WAPL: variants seen among roughly 807,000 people sequenced by gnomAD.
WAPL encodes WAPL cohesin release factor, also known as wings apart-like protein homolog.
Under a neutral mutation model 121.0 loss-of-function variants are expected in WAPL, and 5 were observed. The ratio of observed to expected loss-of-function variants is 0.04; its 90% CI spans 0.02 to 0.09. WAPL has a LOEUF of 0.09. Ranked by LOEUF, WAPL falls within the 10% of genes least tolerant of loss-of-function variation. WAPL has a pLI of 1.00. For missense variants in WAPL, 999 were observed against 1,410.8 expected (o/e 0.71, Z 4.68); for synonymous variants, 480 against 481.5 (o/e 1.00, Z 0.04).
intron 2 of WAPL, among the ~76,000 whole-genome samples, chr10:86,503,998 T>C (rs996161677): frequency 2.0e-5 from 3 of 151,622 alleles, no homozygotes; most frequent in Non-Finnish European, 4.4e-5. Flanking sequence ...GGTGAAACCC[T>C]GTCTCCACTA....
rs1369671639 is a variant in WAPL, at chr10:86,441,646, GCTGTAGT to G, written c.3411+1622_3411+1628del. Among the ~76,000 whole-genome samples, 5 of 151,940 alleles carry G rather than the reference GCTGTAGT, an allele frequency of 3.3e-5. No homozygotes were observed. The South Asian group carries it at 1.0e-3, about 32-fold the overall frequency. On this transcript the variant is annotated intron_variant, in intron 17 of 18. Coordinates refer to ENST00000298767, the MANE Select transcript of WAPL (RefSeq NM_015045.5). Reference sequence around the variant, plus strand: ...ACTACTTAATTTGATGAGACACCTAGCTGTAGTCAGCACGGGACCATAAGGGCTAGCA... The same window carrying G: ...ACTACTTAATTTGATGAGACACCTAGCAGCACGGGACCATAAGGGCTAGCA...
At chr10:86,470,493 T>A (rs1351312395) in intron 8 of WAPL, among the ~76,000 whole-genome samples, 2 of 152,202 alleles carry the variant, frequency 1.3e-5, no homozygotes, top group Admixed American at 6.5e-5. Context: ...ACCTAATAAC[T>A]TTTGTTATGT....
chr10:86,508,005 T>C (rs1031140504), intron 2 of WAPL, among the ~76,000 whole-genome samples: 19 of 152,136 alleles, frequency 1.2e-4, no homozygotes, highest in African/African-American at 4.6e-4. Flanking sequence ...TTATCCAATA[T>C]TCTGTATTCT....
intron 12 of WAPL, among the ~76,000 whole-genome samples, chr10:86,454,048 T>C (rs1174993718): frequency 6.6e-6 from 1 of 152,236 alleles, no homozygotes; most frequent in African/African-American, 2.4e-5. Flanking sequence ...AATCTCTTTA[T>C]TTCCAAATTG....
chr10:86,508,758 CTT>C (rs34530024), intron 2 of WAPL, among the ~76,000 whole-genome samples: 9 of 116,758 alleles, frequency 7.7e-5, no homozygotes, highest in Admixed American at 3.1e-4. Flanking sequence ...ATTGAAAGTT[CTT>C]TTTTTTTTTT....
intron 9 of WAPL, among the ~76,000 whole-genome samples, chr10:86,465,592 T>C (rs1392758960): frequency 6.6e-6 from 1 of 152,218 alleles, no homozygotes; most frequent in Non-Finnish European, 1.5e-5. Flanking sequence ...GTACTTACTG[T>C]ATATCCTGCC....
rs10668599 is a variant in WAPL at position 86,457,327 on chromosome 10, T to TAAAAAAAAAA, written c.2657+1652_2657+1661dup. ...CAACATAGCAAGACCCTGTATCTAT[T>TAAAAAAAAAA]AAAAAAAAAAAAAAAAAAGAGAGTG... On this transcript the variant is annotated intron_variant, in intron 12 of 18. Transcript: ENST00000298767. Among the ~76,000 whole-genome samples, 14 of 111,190 alleles carry TAAAAAAAAAA rather than the reference T, an allele frequency of 1.3e-4. 1 individual carries two copies. The highest frequency in any genetic ancestry group is 5.4e-4 in the African/African-American group (14 of 26,168). The allele number at this position is 111,190 out of a possible 152,430, so 72.9% of individuals were successfully genotyped here.
At chr10:86,464,984 G>C (rs371304828) in intron 9 of WAPL, among the ~76,000 whole-genome samples, 15 of 152,282 alleles carry the variant, frequency 9.9e-5, no homozygotes, top group African/African-American at 3.4e-4. Flanking sequence ...TGTCAGTTTT[G>C]TATCTTGCTG....
rs970868894 is a variant in WAPL at position 86,472,109 on chromosome 10, A to G, written c.2030+99T>C. On this transcript the variant is annotated intron_variant, in intron 7 of 18. Coordinates refer to ENST00000298767, the MANE Select transcript of WAPL (RefSeq NM_015045.5). The surrounding 1 kb of genome is among the most constrained non-coding windows in gnomAD (Gnocchi z 4.2). ...CACTGGCTATACATACTACCCCATC[A>G]TAACAAAATAAAAAATGTTTGGCTT... 3.4e-5 allele frequency: 41 copies of G among 1,200,476 alleles called. No homozygotes were observed. The highest frequency in any genetic ancestry group is 4.4e-5 in the Non-Finnish European group (39 of 876,692). 74.4% of individuals were successfully genotyped at this position (1,200,476 alleles called of 1,614,324 possible).
chr10:86,439,489 C>A (rs1264903420), intron 17 of WAPL, among the ~76,000 whole-genome samples: 1 of 152,182 alleles, frequency 6.6e-6, no homozygotes, highest in African/African-American at 2.4e-5. Context: ...TATCAACACA[C>A]TACAGAACAT....
intron 4 of WAPL, among the ~76,000 whole-genome samples, chr10:86,479,735 A>G (rs1841738716): frequency 1.3e-5 from 2 of 152,236 alleles, no homozygotes; most frequent in Non-Finnish European, 2.9e-5. Context: ...GTACAACTAA[A>G]TGAACTCTGA....
chr10:86,450,650 G>A (rs1038211638), intron 15 of WAPL, among the ~76,000 whole-genome samples: 1 of 152,150 alleles, frequency 6.6e-6, no homozygotes, highest in Non-Finnish European at 1.5e-5. Flanking sequence ...GGTATCTGGA[G>A]ACTAAAAGCA....
At chr10:86,476,031 T>C (rs1370203890) in intron 4 of WAPL, among the ~76,000 whole-genome samples, 3 of 152,046 alleles carry the variant, frequency 2.0e-5, no homozygotes, top group Non-Finnish European at 4.4e-5. Context: ...AAAAATAAAA[T>C]TAAAGAAATT....
chr10:86,503,022 G>C (rs1181659051), intron 2 of WAPL, among the ~76,000 whole-genome samples: 1 of 151,940 alleles, frequency 6.6e-6, no homozygotes, highest in African/African-American at 2.4e-5. Context: ...GCCAGGCGTG[G>C]TGGCGGGCGC....
chr10:86,473,377 A>G (rs939124580), intron 5 of WAPL, among the ~76,000 whole-genome samples: 2 of 152,212 alleles, frequency 1.3e-5, no homozygotes, highest in Non-Finnish European at 1.5e-5. Context: ...CTGTTAACCT[A>G]GAAATCATGT....
intron 8 of WAPL, among the ~76,000 whole-genome samples, chr10:86,470,145 G>A (rs1841504835): frequency 6.6e-6 from 1 of 151,480 alleles, no homozygotes; most frequent in African/African-American, 2.4e-5. Context: ...CAATTCTCCT[G>A]CCTCAGCCTC....
At chr10:86,474,791 T>G (rs905907044) in intron 4 of WAPL, among the ~76,000 whole-genome samples, 2 of 152,186 alleles carry the variant, frequency 1.3e-5, no homozygotes, top group Non-Finnish European at 2.9e-5. Context: ...TGGCAAAACT[T>G]TATTCTTCCT....
chr10:86,453,373 T>C, intron 13 of WAPL, 38 bp from the exon 14 acceptor site: 2 of 1,593,378 alleles, frequency 1.3e-6, no homozygotes, highest in Non-Finnish European at 8.6e-7. Context: ...TGGTTACTGA[T>C]TCTTCCTTAG....
At chr10:86,493,399 T>G (rs1842087276) in intron 4 of WAPL, among the ~76,000 whole-genome samples, 1 of 152,100 alleles carries the variant, frequency 6.6e-6, no homozygotes. Flanking sequence ...ATATATATTA[T>G]AGAGAGGGAG....
Sources: gnomAD v4.1 joint callset for allele counts (sites outside exome capture counted in the v4.1 genomes callset) on GRCh38, gnomAD v4.1.1 for gene constraint, Gnocchi (gnomAD v3.1) non-coding constraint, MANE v1.5 for transcripts, NCBI Gene and HGNC (gene_info 2026-07-23, HGNC 2026-07-21) for gene names.